The following GLE1 variants were observed in gnomAD, a reference collection of about 807,000 sequenced individuals.
GLE1 encodes the protein mRNA export factor GLE1.
GLE1 carries 78 observed loss-of-function variants against 97.3 expected under a neutral mutation model. The ratio of observed to expected loss-of-function variants is 0.80; its 90% CI spans 0.67 to 0.97. The LOEUF is 0.97. GLE1 is among the 50% of genes least tolerant of loss of function. The pLI is 0.00. For synonymous variants in GLE1, 302 were observed against 313.4 expected (o/e 0.96, Z 0.39); for missense variants, 753 against 857.5 (o/e 0.88, Z 1.52).
At chr9:128,539,587 G>A (rs753301481) in intron 13 of GLE1, 29 bp from the exon 14 acceptor site, 2 of 1,598,456 alleles carry the variant, frequency 1.3e-6, no homozygotes, top group Admixed American at 3.3e-5. Flanking sequence ...TTCATTTTCT[G>A]CTCTGACAGT....
At chr9:128,508,198 A>AG (rs1331756037) in intron 1 of GLE1, among the ~76,000 whole-genome samples, 9 of 151,100 alleles carry the variant, frequency 6.0e-5, no homozygotes, top group Admixed American at 5.9e-4. Context: ...AAAAAAAAAA[A>AG]GACCAGCCTG....
At chr9:128,533,409 A>C in intron 9 of GLE1, 104 bp from the exon 10 acceptor site, 1 of 913,302 alleles carries the variant, frequency 1.1e-6, no homozygotes. Flanking sequence ...CAGCCTGGGC[A>C]GTAGAGTGAT....
Position 128,509,021 on chromosome 9 carries a change from C to G in GLE1, c.245C>G (p.Pro82Arg), listed in dbSNP as rs758282188. Residue 82 changes from proline to arginine, a missense_variant, in exon 2 of 16, where the codon CCC (proline) becomes CGC (arginine). Coordinates refer to ENST00000309971, the MANE Select transcript of GLE1 (RefSeq NM_001003722.2). Reference protein sequence around the residue: ...SSTSASALDQPSFVPKSPDAS... With the variant: ...SSTSASALDQRSFVPKSPDAS... The stretch of plus-strand genomic sequence containing the variant: ...ACGTCAGCTTCAGCCCTAGATCAAC[C>G]CTCATTTGTTCCCAAATCTCCTGAC... The G allele has an allele frequency of 1.9e-6, 3 of 1,613,716 alleles. No homozygotes were observed. The highest frequency in any genetic ancestry group is 1.3e-5 in the African/African-American group (1 of 75,016).
intron 3 of GLE1, 126 bp from the exon 4 acceptor site, chr9:128,522,542 A>C: frequency 9.9e-7 from 1 of 1,005,650 alleles, no homozygotes; most frequent in South Asian, 1.6e-5. Context: ...AGTCCCAGCT[A>C]CTTGGGGAGC....
At chr9:128,506,927 A>G (rs1403985532) in intron 1 of GLE1, among the ~76,000 whole-genome samples, 1 of 152,186 alleles carries the variant, frequency 6.6e-6, no homozygotes, top group African/African-American at 2.4e-5. Context: ...TTGCTCAATC[A>G]GTTTACTTTA....
intron 3 of GLE1, among the ~76,000 whole-genome samples, chr9:128,521,686 A>T (rs550865105): frequency 6.6e-6 from 1 of 152,360 alleles, no homozygotes; most frequent in South Asian, 2.1e-4. Flanking sequence ...CTGTACTATA[A>T]TACGTGTCGT....
rs762303888 is a variant in GLE1, at chr9:128,515,513, T to C, written c.322-16T>C. ...AACTTATTTTTTAATTATTTTTCCA[T>C]TTTCTGCTCATATAGGGCAAAGATG... On this transcript the variant is annotated splice_polypyrimidine_tract_variant and intron_variant, in intron 2 of 15. Transcript: ENST00000309971. The C allele has an allele frequency of 7.3e-7, 1 of 1,374,916 alleles. No individual in the cohort carries two copies. The highest frequency in any genetic ancestry group is 1.7e-5 in the Admixed American group (1 of 59,606). The allele number at this position is 1,374,916 out of a possible 1,614,324, so 85.2% of individuals were successfully genotyped here. A position where few individuals can be genotyped will look rare whatever the true frequency, so the allele number is the denominator to read the frequency against.
At chr9:128,535,736 G>A (rs1269518646) in intron 11 of GLE1, among the ~76,000 whole-genome samples, 1 of 151,978 alleles carries the variant, frequency 6.6e-6, no homozygotes, top group South Asian at 2.1e-4. Context: ...CAGAAGAATC[G>A]CTTGAACCCG....
intron 2 of GLE1, among the ~76,000 whole-genome samples, chr9:128,513,743 G>A (rs867825847): frequency 1.1e-4 from 16 of 151,002 alleles, no homozygotes; most frequent in South Asian, 2.1e-4. Context: ...AAGGCGGGGT[G>A]CGGTGGCTCA....
chr9:128,512,193 G>C (rs1846845406), intron 2 of GLE1, among the ~76,000 whole-genome samples: 2 of 152,294 alleles, frequency 1.3e-5, no homozygotes, highest in African/African-American at 2.4e-5. Flanking sequence ...GGATGGGGGA[G>C]GAAGTGGTGA....
intron 4 of GLE1, 95 bp from the exon 5 acceptor site, chr9:128,523,185 G>A (rs1589055532): frequency 6.4e-6 from 6 of 939,586 alleles, no homozygotes; most frequent in Non-Finnish European, 1.1e-5. Flanking sequence ...AGGGAAGGAA[G>A]GGAAGGGAGG....
In GLE1 at chr9:128,523,308, A is replaced by C. The variant is rs1033880059; in HGVS notation, c.610A>C (p.Lys204Gln). 3.1e-6 allele frequency: 5 copies of C among 1,613,244 alleles called. No homozygotes were observed. Among genetic ancestry groups the C allele is most frequent in the Non-Finnish European group, 4.2e-6 (5 of 1,179,284 alleles). The change falls in exon 5 of 16, where the codon AAG (lysine) becomes CAG (glutamine). Residue 204 changes from lysine (K) to glutamine (Q), a missense_variant. Coordinates refer to ENST00000309971, the MANE Select transcript of GLE1 (RefSeq NM_001003722.2). ...SSREALGHQE[K>Q]LKAEHRHRAK... ...CAGAGAAGCCTTGGGACACCAAGAG[A>C]AGCTAAAAGCTGAGCACCGTCACAG...
chr9:128,513,740 G>T (rs1475280446), intron 2 of GLE1, among the ~76,000 whole-genome samples: 2 of 151,256 alleles, frequency 1.3e-5, no homozygotes, highest in Non-Finnish European at 2.9e-5. Flanking sequence ...AAAAAGGCGG[G>T]GTGCGGTGGC....
intron 11 of GLE1, among the ~76,000 whole-genome samples, 190 bp downstream of exon 11, chr9:128,534,141 G>A (rs1458323871): frequency 1.3e-5 from 2 of 152,170 alleles, no homozygotes; most frequent in African/African-American, 4.8e-5. Context: ...GCCAAGTTGG[G>A]TGGATTGCCT....
At chr9:128,537,496 T>C (rs1370903569) in intron 12 of GLE1, among the ~76,000 whole-genome samples, 1 of 129,968 alleles carries the variant, frequency 7.7e-6, no homozygotes, top group Non-Finnish European at 1.6e-5. Context: ...TGGGAACCAA[T>C]GTACTGAAAC....
At chr9:128,523,003 G>A (rs564733193) in intron 4 of GLE1, among the ~76,000 whole-genome samples, 187 bp downstream of exon 4, 1 of 152,280 alleles carries the variant, frequency 6.6e-6, no homozygotes, top group East Asian at 1.9e-4. Context: ...AACACAAAGA[G>A]GGAGGCTTTT....
intron 9 of GLE1, among the ~76,000 whole-genome samples, chr9:128,529,934 G>A (rs1356524723): frequency 6.6e-6 from 1 of 151,978 alleles, no homozygotes; most frequent in Non-Finnish European, 1.5e-5. Flanking sequence ...CTGCCACCAC[G>A]CCCGGCTAAT....
At chr9:128,529,333 C>A (rs2132483396) in intron 9 of GLE1, among the ~76,000 whole-genome samples, 1 of 152,314 alleles carries the variant, frequency 6.6e-6, no homozygotes, top group East Asian at 1.9e-4. Flanking sequence ...ACATTTACCT[C>A]TTAGTCTCCT....
At chr9:128,510,674 G>C (rs1846787830) in intron 2 of GLE1, among the ~76,000 whole-genome samples, 1 of 151,092 alleles carries the variant, frequency 6.6e-6, no homozygotes, top group African/African-American at 2.4e-5. Context: ...GATTACAGGT[G>C]TGCGCCACCA....
Sources: gnomAD v4.1 joint callset for allele counts (sites outside exome capture counted in the v4.1 genomes callset) on GRCh38, gnomAD v4.1.1 for gene constraint, MANE v1.5 for transcripts, NCBI Gene and HGNC (gene_info 2026-07-23, HGNC 2026-07-21) for gene names.